The following NINL variants were observed in gnomAD, a reference collection of about 807,000 sequenced individuals.
NINL encodes the protein ninein like, also known as ninein-like protein.
In NINL, 153 loss-of-function variants were observed where a neutral mutation model predicts 160.3. The ratio of observed to expected loss-of-function variants is 0.95; its 90% CI spans 0.84 to 1.09. The LOEUF (loss-of-function observed/expected upper bound fraction) is 1.09, where lower values mean the gene tolerates loss of function less well. Among genes scored for constraint, NINL ranks in the 50% least tolerant of loss-of-function variants. The pLI, the probability that NINL is intolerant of heterozygous loss-of-function variation, is 0.00. For synonymous variants in NINL, 800 were observed against 734.8 expected (o/e 1.09, Z -1.43); for missense variants, 1,829 against 1,764.0 (o/e 1.04, Z -0.66).
chr20:25,565,070 A>C (rs1191748581), intron 1 of NINL, among the ~76,000 whole-genome samples: 1 of 152,212 alleles, frequency 6.6e-6, no homozygotes, highest in Non-Finnish European at 1.5e-5. Context: ...TACTTTCATA[A>C]GTTTTGTTAC....
chr20:25,546,636 C>A (rs533507728), intron 1 of NINL, among the ~76,000 whole-genome samples: 8 of 152,024 alleles, frequency 5.3e-5, no homozygotes, highest in Non-Finnish European at 8.8e-5. Flanking sequence ...CTCCTAAAAT[C>A]AGTACTGAAA....
intron 17 of NINL, among the ~76,000 whole-genome samples, chr20:25,472,666 C>A (rs374281952): frequency 3.3e-5 from 5 of 151,606 alleles, no homozygotes; most frequent in African/African-American, 1.2e-4. Context: ...ATAGCTGGGA[C>A]CAAAGGTGCG....
rs542826607 is a variant in NINL, at chr20:25,502,536, A to C, written c.861+1416T>G. ...AGACAGACTCGATGGATCCTTTGGC[A>C]ACTGATATGGCTTAGATCTGTGTTC... is the stretch of plus-strand genomic sequence containing the variant. On this transcript the variant is annotated intron_variant, in intron 7 of 23. Transcript: ENST00000278886. Among the ~76,000 whole-genome samples, 17 of 152,336 alleles carry C rather than the reference A, an allele frequency of 1.1e-4. No homozygotes were observed. The East Asian group carries it at 2.9e-3, about 26-fold the overall frequency.
At chr20:25,513,459 A>C (rs188884101) in intron 3 of NINL, among the ~76,000 whole-genome samples, 90 of 152,332 alleles carry the variant, frequency 5.9e-4, no homozygotes, top group Admixed American at 1.8e-3. Context: ...TGACCAGAAT[A>C]TCTCTCACCC....
At chr20:25,579,939 G>T (rs2065154174) in intron 1 of NINL, among the ~76,000 whole-genome samples, 1 of 152,164 alleles carries the variant, frequency 6.6e-6, no homozygotes, top group Non-Finnish European at 1.5e-5. Flanking sequence ...GAGAGATTTT[G>T]AAGAGTGATT....
chr20:25,534,494 C>T (rs187393316), intron 1 of NINL, among the ~76,000 whole-genome samples: 1 of 152,320 alleles, frequency 6.6e-6, no homozygotes, highest in Admixed American at 6.5e-5. Context: ...ACAGAGTGTA[C>T]TTACACAAAC....
At chr20:25,481,355 A>G (rs1473239420) in intron 14 of NINL, among the ~76,000 whole-genome samples, 2 of 152,180 alleles carry the variant, frequency 1.3e-5, no homozygotes, top group Non-Finnish European at 2.9e-5. Context: ...GGAGCACCAC[A>G]GACCTCAAGG....
chr20:25,582,176 A>G (rs983060807), intron 1 of NINL, among the ~76,000 whole-genome samples: 1 of 152,044 alleles, frequency 6.6e-6, no homozygotes, highest in Admixed American at 6.6e-5. Context: ...AATCACTTGA[A>G]CCTGGGAGGT....
chr20:25,517,502 C>T (rs184304021), intron 3 of NINL, among the ~76,000 whole-genome samples: 1 of 152,354 alleles, frequency 6.6e-6, no homozygotes, highest in Non-Finnish European at 1.5e-5. Context: ...GGATTCCGAT[C>T]AGTCACATTA....
At chr20:25,534,589 C>A (rs1387380282) in intron 1 of NINL, among the ~76,000 whole-genome samples, 5 of 152,146 alleles carry the variant, frequency 3.3e-5, no homozygotes, top group Non-Finnish European at 1.5e-5. Flanking sequence ...CAATGGTAAT[C>A]CAAACATATC....
In NINL at chr20:25,461,518, C is replaced by A; in HGVS notation, c.3696+4G>T. On this transcript the variant is annotated splice_donor_region_variant and intron_variant, in intron 21 of 23. Coordinates refer to ENST00000278886, the MANE Select transcript of NINL (RefSeq NM_025176.6). ...CAGTGCCTCCAGCCATCGCTCACACCCACCTGGTCTTGACTTTCCTCAAGG... is the reference window on the plus strand; with the variant it reads ...CAGTGCCTCCAGCCATCGCTCACACACACCTGGTCTTGACTTTCCTCAAGG... 1.3e-6 allele frequency: 2 copies of A among 1,538,512 alleles called. No individual in the cohort carries two copies. The highest frequency in any genetic ancestry group is 2.1e-5 in the Admixed American group (1 of 47,696).
Position 25,489,857 on chromosome 20 carries a change from G to A in NINL, c.1596+18C>T. On this transcript the variant is annotated intron_variant, in intron 12 of 23. Transcript: ENST00000278886. ...AGGCCCTCCCCTCTGGAGGCAGACTGTCAGCAAAGGGACTCGCCTTGTCCT... is the reference window on the plus strand; with the variant it reads ...AGGCCCTCCCCTCTGGAGGCAGACTATCAGCAAAGGGACTCGCCTTGTCCT... The A allele has an allele frequency of 6.2e-7, 1 of 1,611,220 alleles. No homozygotes were observed. Among genetic ancestry groups the A allele is most frequent in the Non-Finnish European group, 8.5e-7 (1 of 1,177,508 alleles).
At chr20:25,536,580 A>G (rs1015344996) in intron 1 of NINL, among the ~76,000 whole-genome samples, 1 of 152,202 alleles carries the variant, frequency 6.6e-6, no homozygotes, top group Non-Finnish European at 1.5e-5. Context: ...TTAGCTGGGC[A>G]TGGTGGCAGG....
intron 1 of NINL, among the ~76,000 whole-genome samples, chr20:25,554,676 G>C (rs1347173165): frequency 2.0e-5 from 3 of 150,264 alleles, no homozygotes; most frequent in Non-Finnish European, 4.4e-5. Flanking sequence ...GTGTGGTGAT[G>C]GGGGTCTGTA....
chr20:25,497,052 AG>A (rs1325264056), intron 9 of NINL, among the ~76,000 whole-genome samples: 1 of 152,240 alleles, frequency 6.6e-6, no homozygotes, highest in South Asian at 2.1e-4. Context: ...TTTCTAACCC[AG>A]GAAGACTGAG....
intron 23 of NINL, 72 bp from the exon 24 acceptor site, chr20:25,453,714 T>C (rs2090593327): frequency 2.1e-6 from 3 of 1,415,882 alleles, no homozygotes; most frequent in Non-Finnish European, 2.9e-6. Flanking sequence ...TGCTCTCTTT[T>C]ATCCTCCCAG....
chr20:25,557,840 T>C (rs972666060), intron 1 of NINL, among the ~76,000 whole-genome samples: 1 of 151,958 alleles, frequency 6.6e-6, no homozygotes, highest in Non-Finnish European at 1.5e-5. Flanking sequence ...CAAAGATAAA[T>C]ATACTGGGCT....
chr20:25,456,480 G>A (rs187383971), intron 22 of NINL, among the ~76,000 whole-genome samples: 59 of 151,762 alleles, frequency 3.9e-4, no homozygotes, highest in East Asian at 3.9e-3. Flanking sequence ...CCCAGGAGGC[G>A]GAGGTTGCAG....
At chr20:25,471,448 C>T (rs2063092005) in intron 17 of NINL, among the ~76,000 whole-genome samples, 1 of 152,118 alleles carries the variant, frequency 6.6e-6, no homozygotes. Context: ...ATCACTCTGG[C>T]TCTAGAATGG....
Sources: gnomAD v4.1 joint callset for allele counts (sites outside exome capture counted in the v4.1 genomes callset) on GRCh38, gnomAD v4.1.1 for gene constraint, MANE v1.5 for transcripts, NCBI Gene and HGNC (gene_info 2026-07-23, HGNC 2026-07-21) for gene names.